The following TSPAN18 variants were observed in gnomAD, a reference collection of about 807,000 sequenced individuals.
TSPAN18 encodes tetraspanin 18.
A neutral mutation model predicts 27.3 loss-of-function variants in TSPAN18; 14 were observed. The ratio of observed to expected loss-of-function variants is 0.51; its 90% CI spans 0.34 to 0.80. The LOEUF is 0.80. Ranked by LOEUF, TSPAN18 falls within the 30% of genes least tolerant of loss-of-function variation. TSPAN18 has a pLI of 0.01. For synonymous variants in TSPAN18, 143 were observed against 136.5 expected (o/e 1.05, Z -0.33); for missense variants, 268 against 323.9 (o/e 0.83, Z 1.32).
At chr11:44,854,676 C>T (rs1857690480) in intron 2 of TSPAN18, among the ~76,000 whole-genome samples, 1 of 152,172 alleles carries the variant, frequency 6.6e-6, no homozygotes, top group Non-Finnish European at 1.5e-5. Context: ...TAACCTGATC[C>T]TGGACACTGT....
intron 1 of TSPAN18, among the ~76,000 whole-genome samples, chr11:44,727,564 T>G (rs1854546731): frequency 6.6e-6 from 1 of 151,820 alleles, no homozygotes; most frequent in Admixed American, 6.6e-5. Flanking sequence ...GGGCTCCCAG[T>G]GCTCCGGGTG....
intron 1 of TSPAN18, among the ~76,000 whole-genome samples, chr11:44,763,005 C>T (rs1301672773): frequency 1.3e-5 from 2 of 152,208 alleles, no homozygotes; most frequent in African/African-American, 4.8e-5. Context: ...TGACTTCCCA[C>T]AGCCAAAGTT....
chr11:44,831,689 G>A (rs1471113311), intron 2 of TSPAN18, among the ~76,000 whole-genome samples: 1 of 152,210 alleles, frequency 6.6e-6, no homozygotes, highest in African/African-American at 2.4e-5. Flanking sequence ...CATTCTACAT[G>A]CTGAGGCAAC....
intron 3 of TSPAN18, among the ~76,000 whole-genome samples, chr11:44,864,448 C>T (rs1224336309): frequency 6.6e-6 from 1 of 152,124 alleles, no homozygotes; most frequent in East Asian, 1.9e-4. Flanking sequence ...CTCTGAGAGG[C>T]ACGTGGGGTC....
intron 1 of TSPAN18, among the ~76,000 whole-genome samples, chr11:44,737,568 C>A (rs1854826911): frequency 1.3e-5 from 2 of 152,210 alleles, no homozygotes; most frequent in South Asian, 4.1e-4. Context: ...CTCTAAAGTT[C>A]CCACTGCTTC....
intron 1 of TSPAN18, among the ~76,000 whole-genome samples, chr11:44,740,083 G>A (rs981570459): frequency 4.6e-5 from 7 of 152,220 alleles, no homozygotes; most frequent in African/African-American, 1.7e-4. Context: ...GGTGGCTACC[G>A]GGTCAGTGGC....
intron 3 of TSPAN18, among the ~76,000 whole-genome samples, chr11:44,878,130 A>T (rs990219640): frequency 1.3e-4 from 19 of 151,720 alleles, no homozygotes; most frequent in Non-Finnish European, 2.6e-4. Flanking sequence ...CAATACCATT[A>T]AATGCCCCTT....
upstream of TSPAN18, chr11:44,726,604 A>G (rs1030728964): frequency 2.6e-5 from 4 of 151,926 alleles, no homozygotes; most frequent in Admixed American, 1.3e-4. Flanking sequence ...GGTCAGCTGA[A>G]AGTTCCCCTG....
intron 1 of TSPAN18, among the ~76,000 whole-genome samples, chr11:44,762,530 G>C (rs2134888352): frequency 6.6e-6 from 1 of 152,280 alleles, no homozygotes; most frequent in South Asian, 2.1e-4. Context: ...GGCTGGTAAG[G>C]AAGCACATGT....
At chr11:44,755,638 C>A (rs764506903) in intron 1 of TSPAN18, among the ~76,000 whole-genome samples, 3 of 151,926 alleles carry the variant, frequency 2.0e-5, no homozygotes, top group Non-Finnish European at 4.4e-5. Flanking sequence ...TAAAACAAAG[C>A]AAAACAAAGC....
chr11:44,849,029 T>C (rs767588019), intron 2 of TSPAN18, among the ~76,000 whole-genome samples: 6 of 152,224 alleles, frequency 3.9e-5, no homozygotes, highest in Non-Finnish European at 8.8e-5. Context: ...ATCTTTAAAA[T>C]GGGAGAACAC....
At chr11:44,746,679 C>T (rs914747570) in intron 1 of TSPAN18, among the ~76,000 whole-genome samples, 2 of 152,112 alleles carry the variant, frequency 1.3e-5, no homozygotes, top group African/African-American at 4.8e-5. Context: ...ATTGCTTGAG[C>T]CGAGGAGTTA....
At position 44,895,805 on chromosome 11, in the gene TSPAN18, T is replaced by C. The variant is rs539133144; in HGVS notation, c.-10-10602T>C. Among the ~76,000 whole-genome samples the C allele has an allele frequency of 3.3e-5, 5 of 152,148 alleles. No homozygotes were observed. The East Asian group carries it at 9.7e-4, about 30-fold the overall frequency. On this transcript the variant is annotated intron_variant, in intron 3 of 9. Coordinates refer to ENST00000520358, the MANE Select transcript of TSPAN18 (RefSeq NM_130783.5). The stretch of plus-strand genomic sequence containing the variant: ...CAGACGGAGATGAGGCAGGGAATGG[T>C]GATACAGGGGACCAGGACTGGGATG...
chr11:44,871,376 G>T (rs981134846), intron 3 of TSPAN18, among the ~76,000 whole-genome samples: 8 of 152,060 alleles, frequency 5.3e-5, no homozygotes, highest in Non-Finnish European at 1.2e-4. Context: ...TTATTCATGA[G>T]GGCTCCATCC....
intron 1 of TSPAN18, among the ~76,000 whole-genome samples, chr11:44,734,708 A>C (rs1232173430): frequency 6.6e-6 from 1 of 152,176 alleles, no homozygotes; most frequent in East Asian, 1.9e-4. Context: ...TGGGTCTTGG[A>C]TTTAGGCCCA....
chr11:44,854,206 G>A (rs1857675637), intron 2 of TSPAN18, among the ~76,000 whole-genome samples: 1 of 135,540 alleles, frequency 7.4e-6, no homozygotes, highest in African/African-American at 2.7e-5. Flanking sequence ...GGGGTGGGGG[G>A]GGGGGTTTGT....
chr11:44,873,625 A>G (rs574545635), intron 3 of TSPAN18, among the ~76,000 whole-genome samples: 2 of 152,354 alleles, frequency 1.3e-5, no homozygotes, highest in South Asian at 4.1e-4. Flanking sequence ...CAGTCCCTCC[A>G]AGGCCTGGGG....
At chr11:44,880,029 T>TG (rs1858446072) in intron 3 of TSPAN18, among the ~76,000 whole-genome samples, 1 of 152,150 alleles carries the variant, frequency 6.6e-6, no homozygotes, top group Non-Finnish European at 1.5e-5. Context: ...GAGGCGACGC[T>TG]GGGGGGAGGC....
At position 44,727,236 on chromosome 11, in the gene TSPAN18, C is replaced by A. The variant is rs1210519630; in HGVS notation, c.-291C>A. The A allele has an allele frequency of 6.6e-6, 1 of 151,802 alleles. No homozygotes were observed. The highest frequency in any genetic ancestry group is 2.4e-5 in the African/African-American group (1 of 41,444). The allele number at this position is 151,802 out of a possible 1,614,324, so 9.4% of individuals were successfully genotyped here. Reference sequence around the variant, plus strand: ...GCGCCCCTCCGACCAGGAAAGTTTCCCCCCGGCCGCCGGCGGGATTTGGCG... The same window carrying A: ...GCGCCCCTCCGACCAGGAAAGTTTCACCCCGGCCGCCGGCGGGATTTGGCG... On this transcript the variant is annotated 5_prime_UTR_variant, in exon 1 of 10. Coordinates refer to ENST00000520358, the MANE Select transcript of TSPAN18 (RefSeq NM_130783.5).
Sources: gnomAD v4.1 joint callset for allele counts (sites outside exome capture counted in the v4.1 genomes callset) on GRCh38, gnomAD v4.1.1 for gene constraint, MANE v1.5 for transcripts, NCBI Gene and HGNC (gene_info 2026-07-23, HGNC 2026-07-21) for gene names.